MLIP: variants seen among roughly 807,000 people sequenced by gnomAD.
The protein encoded by MLIP is muscular LMNA-interacting protein.
In MLIP, 79 loss-of-function variants were observed where a neutral mutation model predicts 84.8. The observed-to-expected ratio is 0.93, with a 90% CI of 0.78 to 1.12. The LOEUF (loss-of-function observed/expected upper bound fraction) is 1.12. Among genes scored for constraint, MLIP ranks in the 50% most tolerant of loss-of-function variants. MLIP has a pLI of 0.00. For missense variants in MLIP, 1,257 were observed against 1,160.6 expected (o/e 1.08, Z -1.21); for synonymous variants, 504 against 463.0 (o/e 1.09, Z -1.14).
chr6:54,095,699 C>A (rs1196810976), intron 1 of MLIP, among the ~76,000 whole-genome samples: 2 of 152,130 alleles, frequency 1.3e-5, no homozygotes, highest in Non-Finnish European at 2.9e-5. Flanking sequence ...TCTGTAGAGA[C>A]CCCCAAATGA....
At chr6:54,143,078 A>C (rs1772458878) in intron 4 of MLIP, among the ~76,000 whole-genome samples, 1 of 152,076 alleles carries the variant, frequency 6.6e-6, no homozygotes, top group South Asian at 2.1e-4. Context: ...CTCTATACTG[A>C]CCAGTTCTGT....
intron 10 of MLIP, among the ~76,000 whole-genome samples, chr6:54,198,407 T>C (rs991702219): frequency 6.6e-6 from 1 of 152,100 alleles, no homozygotes; most frequent in African/African-American, 2.4e-5. Flanking sequence ...TGAGGGGAAG[T>C]TAACTAATAT....
At chr6:54,225,366 A>G (rs1043877034) in intron 11 of MLIP, among the ~76,000 whole-genome samples, 3 of 152,176 alleles carry the variant, frequency 2.0e-5, no homozygotes, top group African/African-American at 7.2e-5. Context: ...CACAGTGGTA[A>G]GTATTTGTGA....
At chr6:54,221,468 A>C (rs1780214315) in intron 11 of MLIP, among the ~76,000 whole-genome samples, 1 of 152,144 alleles carries the variant, frequency 6.6e-6, no homozygotes, top group African/African-American at 2.4e-5. Context: ...AATTAAAAAA[A>C]AGGAGAGATC....
At chr6:54,117,211 C>CTTTTTTTTTTTTT (rs200691416) in intron 1 of MLIP, among the ~76,000 whole-genome samples, 3 of 117,828 alleles carry the variant, frequency 2.5e-5, no homozygotes, top group Non-Finnish European at 1.7e-5. Flanking sequence ...CTATTTCTGT[C>CTTTTTTTTTTTTT]TTTTTTTTTT....
intron 9 of MLIP, among the ~76,000 whole-genome samples, chr6:54,173,437 A>G (rs1326028375): frequency 6.6e-6 from 1 of 151,914 alleles, no homozygotes; most frequent in Non-Finnish European, 1.5e-5. Flanking sequence ...ATCTAAAATG[A>G]TAGTGATTTG....
chr6:54,122,120 A>G (rs987352625), intron 2 of MLIP, among the ~76,000 whole-genome samples: 2 of 152,204 alleles, frequency 1.3e-5, no homozygotes, highest in Admixed American at 1.3e-4. Context: ...CCTTTCAATA[A>G]TCTAACTCTT....
At chr6:54,042,226 T>G (rs1764786035) in intron 1 of MLIP, among the ~76,000 whole-genome samples, 1 of 152,120 alleles carries the variant, frequency 6.6e-6, no homozygotes, top group Admixed American at 6.6e-5. Flanking sequence ...AGACTCTCCC[T>G]AGATGTAATA....
intron 1 of MLIP, among the ~76,000 whole-genome samples, chr6:54,087,138 G>A (rs188362515): frequency 3.9e-5 from 6 of 152,234 alleles, no homozygotes; most frequent in Admixed American, 3.9e-4. Flanking sequence ...TTGAACAAAC[G>A]ATGAGTAAAT....
At chr6:54,134,977 T>C (rs1771680111) in intron 3 of MLIP, among the ~76,000 whole-genome samples, 2 of 150,690 alleles carry the variant, frequency 1.3e-5, no homozygotes, top group South Asian at 4.3e-4. Flanking sequence ...AAGACTTTTC[T>C]TTGTGGTAAA....
rs368229272 is a variant in MLIP, at chr6:54,255,231, A to C, written c.2923-2077A>C. ...CTTGCTTTGAGAGCACAGTCTCTGC[A>C]TACTCTCAGTCTAGATTCCAGCATG... is the stretch of plus-strand genomic sequence containing the variant. On this transcript the variant is annotated intron_variant, in intron 12 of 13. Transcript: ENST00000502396. 1.1e-4 allele frequency among the ~76,000 whole-genome samples: 17 copies of C among 152,250 alleles called. No individual in the cohort carries two copies. In the South Asian group the frequency reaches 2.9e-3, roughly 26 times the overall value.
chr6:54,147,939 C>G (rs1241405537), intron 4 of MLIP, among the ~76,000 whole-genome samples: 1 of 152,098 alleles, frequency 6.6e-6, no homozygotes, highest in Non-Finnish European at 1.5e-5. Context: ...TAGCTGGATG[C>G]TGACTTTCTT....
chr6:54,170,808 T>C (rs1775692283), intron 9 of MLIP, among the ~76,000 whole-genome samples: 1 of 151,646 alleles, frequency 6.6e-6, no homozygotes, highest in African/African-American at 2.4e-5. Context: ...TTTCCCTTTT[T>C]CCTTTATTCA....
chr6:54,257,874 C>A (rs899244923), intron 13 of MLIP, among the ~76,000 whole-genome samples: 1 of 151,980 alleles, frequency 6.6e-6, no homozygotes, highest in Non-Finnish European at 1.5e-5. Context: ...TCAATCATAG[C>A]CTCTACATTT....
At chr6:54,076,946 CA>C (rs1290960029) in intron 1 of MLIP, among the ~76,000 whole-genome samples, 1 of 152,076 alleles carries the variant, frequency 6.6e-6, no homozygotes, top group East Asian at 1.9e-4. Context: ...CTGATTCTTA[CA>C]GCAACTGGAT....
intron 11 of MLIP, chr6:54,217,093 G>T: frequency 3.0e-6 from 3 of 985,434 alleles, no homozygotes; most frequent in South Asian, 9.4e-5. Flanking sequence ...TACCAAAGAG[G>T]TGGGAAGATG....
intron 9 of MLIP, among the ~76,000 whole-genome samples, chr6:54,182,157 T>G (rs1289839937): frequency 6.6e-6 from 1 of 152,164 alleles, no homozygotes; most frequent in African/African-American, 2.4e-5. Context: ...TTGCCTATGG[T>G]GGTGAGCCTT....
intron 1 of MLIP, among the ~76,000 whole-genome samples, chr6:54,056,684 G>T (rs1765681412): frequency 6.6e-6 from 1 of 152,122 alleles, no homozygotes; most frequent in Non-Finnish European, 1.5e-5. Flanking sequence ...CAGCAAGAAT[G>T]CCTTTATTTC....
At chr6:54,050,585 G>GT (rs1021287267) in intron 1 of MLIP, among the ~76,000 whole-genome samples, 13 of 152,124 alleles carry the variant, frequency 8.5e-5, no homozygotes, top group African/African-American at 2.9e-4. Context: ...TATAATTTGA[G>GT]TTTTTTTGTT....
Sources: gnomAD v4.1 joint callset for allele counts (sites outside exome capture counted in the v4.1 genomes callset) on GRCh38, gnomAD v4.1.1 for gene constraint, MANE v1.5 for transcripts, NCBI Gene and HGNC (gene_info 2026-07-23, HGNC 2026-07-21) for gene names.